JAKMIP1: variants seen among roughly 807,000 people sequenced by gnomAD.
The protein encoded by JAKMIP1 is janus kinase and microtubule interacting protein 1.
Under a neutral mutation model 113.0 loss-of-function variants are expected in JAKMIP1, and 33 were observed. The observed-to-expected ratio is 0.29, with a 90% CI of 0.22 to 0.39. The LOEUF (loss-of-function observed/expected upper bound fraction) is 0.39, where lower values mean the gene tolerates loss of function less well. Ranked by LOEUF, JAKMIP1 falls within the 10% of genes least tolerant of loss-of-function variation. The pLI is 1.00. For missense variants in JAKMIP1, 813 were observed against 1,080.5 expected (o/e 0.75, Z 3.47); for synonymous variants, 480 against 459.9 (o/e 1.04, Z -0.56).
In JAKMIP1 at chr4:6,139,293, A is replaced by G. The variant is rs779311889; in HGVS notation, c.-147-26296T>C. ...GAAGAGCATTTCAAGGACATTGAAA[A>G]GTATTCTTGATTTATGTGAAAGGGT... On this transcript the variant is annotated intron_variant, in intron 1 of 20. Transcript: ENST00000409021. The surrounding 1 kb of genome is among the most constrained non-coding windows in gnomAD (Gnocchi z 5.2). Among the ~76,000 whole-genome samples the G allele has an allele frequency of 1.3e-5, 2 of 152,182 alleles. No individual in the cohort carries two copies. Among genetic ancestry groups the G allele is most frequent in the Non-Finnish European group, 2.9e-5 (2 of 68,050 alleles).
intron 20 of JAKMIP1, among the ~76,000 whole-genome samples, chr4:6,026,865 C>T (rs1417002894): frequency 2.3e-5 from 2 of 87,958 alleles, no homozygotes; most frequent in Non-Finnish European, 4.8e-5. Flanking sequence ...AATTTCTTTG[C>T]ATTTTTTTTT....
In JAKMIP1 at chr4:6,105,919, G is replaced by T; in HGVS notation, c.178C>A (p.Gln60Lys). Residue 60 changes from glutamine (Q) to lysine (K), a missense_variant, in exon 3 of 21, where the codon CAG becomes AAG. This residue lies in a region of JAKMIP1 where 540 missense variants were observed against 653.9 expected (regional missense o/e 0.83). Transcript: ENST00000409021. Reference sequence around the variant, plus strand: ...TAGGCCGTGTGCCGTCGCTGCTCCTGCTCGCGCTCCAGCTTCGCCTCCTGC... The same window carrying T: ...TAGGCCGTGTGCCGTCGCTGCTCCTTCTCGCGCTCCAGCTTCGCCTCCTGC... ...RLQEAKLEREQEQRRHTAYIS... is the reference protein window; with the variant it reads ...RLQEAKLEREKEQRRHTAYIS... 6.2e-7 allele frequency: 1 copy of T among 1,610,442 alleles called. No individual in the cohort carries two copies. Among genetic ancestry groups the T allele is most frequent in the Non-Finnish European group, 8.5e-7 (1 of 1,179,140 alleles).
At chr4:6,028,363 C>T (rs896968692) in intron 20 of JAKMIP1, among the ~76,000 whole-genome samples, 1 of 152,230 alleles carries the variant, frequency 6.6e-6, no homozygotes, top group Non-Finnish European at 1.5e-5. Context: ...CCTGCCCCCG[C>T]CCCTGCGCAC....
rs1005051037 is a variant in JAKMIP1, at chr4:6,153,246, C to T, written c.-147-40249G>A. Among the ~76,000 whole-genome samples, 5 of 152,200 alleles carry T rather than the reference C, an allele frequency of 3.3e-5. No homozygotes were observed. The highest frequency in any genetic ancestry group is 4.1e-4 in the South Asian group (2 of 4,836). ...CCTGATTCCTACTCAGAGGCCCCAA[C>T]GTCCCTGCCTCTCAGCCTCAGCTCC... On this transcript the variant is annotated intron_variant, in intron 1 of 20. Coordinates refer to ENST00000409021, the MANE Select transcript of JAKMIP1 (RefSeq NM_001099433.2). The surrounding 1 kb of genome is among the most constrained non-coding windows in gnomAD (Gnocchi z 4.9).
chr4:6,195,359 T>C (rs976056434), intron 1 of JAKMIP1, among the ~76,000 whole-genome samples: 1 of 152,200 alleles, frequency 6.6e-6, no homozygotes, highest in Non-Finnish European at 1.5e-5. Context: ...TGGATGTACT[T>C]CATGCCACTG....
In JAKMIP1 at chr4:6,078,969, C is replaced by G. The variant is rs1442937230; in HGVS notation, c.1272G>C (p.Arg424Ser). Residue 424 changes from arginine (R) to serine (S), a missense_variant, in exon 8 of 21, where the codon AGG (arginine) becomes AGC (serine). Arg to Ser is a moderately radical substitution (Grantham distance 110). This residue lies in a region of JAKMIP1 where 540 missense variants were observed against 653.9 expected (regional missense o/e 0.83). Coordinates refer to ENST00000409021, the MANE Select transcript of JAKMIP1 (RefSeq NM_001099433.2). Reference sequence around the variant, plus strand: ...GCGGTTTCAGACTTTTCCCTCGATGCCTTTTGGAGCGCAACAGCCGTTCTC... The same window carrying G: ...GCGGTTTCAGACTTTTCCCTCGATGGCTTTTGGAGCGCAACAGCCGTTCTC... ...LERERLLRSK[R>S]HRGKSLKPPK... 17 of 1,614,054 alleles carry G rather than the reference C, an allele frequency of 1.1e-5. No homozygotes were observed. The highest frequency in any genetic ancestry group is 1.3e-5 in the Non-Finnish European group (15 of 1,180,038).
chr4:6,118,296 C>G (rs1179241507), intron 1 of JAKMIP1, among the ~76,000 whole-genome samples: 5 of 152,160 alleles, frequency 3.3e-5, no homozygotes, highest in Non-Finnish European at 7.3e-5. Flanking sequence ...ATAGCTGTAT[C>G]CCACTGGTGG....
chr4:6,113,551 A>G (rs576194359), intron 1 of JAKMIP1, among the ~76,000 whole-genome samples: 1 of 152,202 alleles, frequency 6.6e-6, no homozygotes, highest in Non-Finnish European at 1.5e-5. Context: ...GGTAGGTGAT[A>G]TCACCCAGTG....
At chr4:6,057,208 C>T (rs1023494006) in intron 11 of JAKMIP1, among the ~76,000 whole-genome samples, 7 of 152,210 alleles carry the variant, frequency 4.6e-5, no homozygotes, top group Middle Eastern at 3.2e-3. Flanking sequence ...TGTGAGCACA[C>T]GGCACCAAGT....
At chr4:6,100,951 C>A (rs2108864588) in intron 3 of JAKMIP1, among the ~76,000 whole-genome samples, 1 of 152,208 alleles carries the variant, frequency 6.6e-6, no homozygotes, top group East Asian at 1.9e-4. Flanking sequence ...CACAAAAGTT[C>A]TTTGTGGTTA....
rs771834380 is a variant in JAKMIP1, at chr4:6,084,831, C to G, written c.954+15G>C. 1.7e-5 allele frequency: 28 copies of G among 1,609,006 alleles called. No individual in the cohort carries two copies. Among genetic ancestry groups the G allele is most frequent in the Middle Eastern group, 1.7e-4 (1 of 6,034 alleles). ...GCACCCTATGAGGCACCGCCTGTCT[C>G]TTGGGGCTACTTACCAGTTCATTCC... On this transcript the variant is annotated intron_variant, in intron 5 of 20. Coordinates refer to ENST00000409021, the MANE Select transcript of JAKMIP1 (RefSeq NM_001099433.2).
rs755632415 is a variant in JAKMIP1 at position 6,192,959 on chromosome 4, G to A, written c.-148+7294C>T. Among the ~76,000 whole-genome samples, 2 of 152,198 alleles carry A rather than the reference G, an allele frequency of 1.3e-5. No homozygotes were observed. The highest frequency in any genetic ancestry group is 2.9e-5 in the Non-Finnish European group (2 of 68,042). ...CAAAGTATTGTTCCTGGGTGTGTCTGTGAGGGTGTTCCCAAAAGAGATTAA... is the reference window on the plus strand; with the variant it reads ...CAAAGTATTGTTCCTGGGTGTGTCTATGAGGGTGTTCCCAAAAGAGATTAA... On this transcript the variant is annotated intron_variant, in intron 1 of 20. Transcript: ENST00000409021. This position sits in a 1 kb window ranked among gnomAD's most constrained non-coding sequence, Gnocchi z 5.0.
chr4:6,098,582 G>GAA (rs1350611417), intron 3 of JAKMIP1, among the ~76,000 whole-genome samples: 1 of 132,274 alleles, frequency 7.6e-6, no homozygotes, highest in African/African-American at 2.8e-5. Flanking sequence ...AAGAAAGAAA[G>GAA]AAGGAAAGGA....
At chr4:6,102,868 G>T (rs1422489915) in intron 3 of JAKMIP1, among the ~76,000 whole-genome samples, 1 of 150,890 alleles carries the variant, frequency 6.6e-6, no homozygotes, top group Non-Finnish European at 1.5e-5. Flanking sequence ...TGAGTAGCTG[G>T]GACTACAGGC....
rs547076223 is a variant in JAKMIP1 at position 6,181,666 on chromosome 4, T to C, written c.-148+18587A>G. 1.3e-5 allele frequency among the ~76,000 whole-genome samples: 2 copies of C among 152,182 alleles called. No homozygotes were observed. The highest frequency in any genetic ancestry group is 1.9e-4 in the East Asian group (1 of 5,170). The stretch of plus-strand genomic sequence containing the variant: ...GGAGCAGGGGTCAAAGAAAAGTCAA[T>C]TGGCATCAGAGAGGGAGAGCAGCAG... On this transcript the variant is annotated intron_variant, in intron 1 of 20. Transcript: ENST00000409021. The surrounding 1 kb of genome is among the most constrained non-coding windows in gnomAD (Gnocchi z 5.4).
intron 3 of JAKMIP1, among the ~76,000 whole-genome samples, chr4:6,095,006 A>G (rs13128406): frequency 0.87 from 127,399 of 147,092 alleles, 54,854 homozygotes; most frequent in East Asian, 0.99. Context: ...ATAGAAGAAA[A>G]ATAAAAAGGA....
chr4:6,133,152 T>G (rs1043439629), intron 1 of JAKMIP1, among the ~76,000 whole-genome samples: 1 of 152,090 alleles, frequency 6.6e-6, no homozygotes, highest in Non-Finnish European at 1.5e-5. Context: ...AACCTCATAA[T>G]GACAAATCTG....
intron 8 of JAKMIP1, among the ~76,000 whole-genome samples, chr4:6,071,444 G>A (rs961176552): frequency 6.6e-6 from 1 of 152,224 alleles, no homozygotes; most frequent in Non-Finnish European, 1.5e-5. Context: ...CTAGGCAGGA[G>A]GCCGGGCACC....
In JAKMIP1 at chr4:6,179,767, C is replaced by T. The variant is rs1419171977; in HGVS notation, c.-148+20486G>A. 6.6e-6 allele frequency among the ~76,000 whole-genome samples: 1 copy of T among 152,216 alleles called. No individual in the cohort carries two copies. Among genetic ancestry groups the T allele is most frequent in the Non-Finnish European group, 1.5e-5 (1 of 68,026 alleles). ...GCCAGGTAGTATGCTGGGTACACCT[C>T]ATCTCAATCCATCCTCAAAGCCTCC... On this transcript the variant is annotated intron_variant, in intron 1 of 20. Coordinates refer to ENST00000409021, the MANE Select transcript of JAKMIP1 (RefSeq NM_001099433.2). The surrounding 1 kb of genome is among the most constrained non-coding windows in gnomAD (Gnocchi z 4.5).
Sources: allele counts gnomAD v4.1 joint callset (sites outside exome capture counted in the v4.1 genomes callset), GRCh38; gene constraint gnomAD v4.1.1; regional missense constraint gnomAD v4.1.1; non-coding constraint Gnocchi (gnomAD v3.1); transcripts MANE v1.5; gene names NCBI Gene and HGNC (gene_info 2026-07-23, HGNC 2026-07-21).